The following MARK2 variants were observed in gnomAD, a reference collection of about 807,000 sequenced individuals.
MARK2 encodes microtubule affinity regulating kinase 2, also known as serine/threonine-protein kinase MARK2.
MARK2 carries 16 observed loss-of-function variants against 89.8 expected under a neutral mutation model. That is an observed-to-expected ratio of 0.18 (90% CI 0.12 to 0.27). The LOEUF (loss-of-function observed/expected upper bound fraction) is 0.27. MARK2 is among the 10% of genes least tolerant of loss of function. MARK2 has a pLI of 1.00. For synonymous variants in MARK2, 382 were observed against 399.5 expected (o/e 0.96, Z 0.52); for missense variants, 621 against 1,049.9 (o/e 0.59, Z 5.65).
chr11:63,910,184 C>G lies in MARK2; in HGVS notation c.*947C>G, dbSNP rs370272556. 5 of 152,512 alleles carry G rather than the reference C, an allele frequency of 3.3e-5. No homozygotes were observed. The highest frequency in any genetic ancestry group is 1.2e-4 in the African/African-American group (5 of 41,440). The allele number at this position is 152,512 out of a possible 1,614,324, so 9.4% of individuals were successfully genotyped here. On this transcript the variant is annotated 3_prime_UTR_variant, in exon 19 of 19. Coordinates refer to ENST00000402010, the MANE Select transcript of MARK2 (RefSeq NM_001039469.3). ...CACTGGGCACTCTGTGATGGGGGAG[C>G]CTTTGTCTGAAAGCACAGCCCCCTC...
intron 1 of MARK2, among the ~76,000 whole-genome samples, chr11:63,841,256 C>G (rs1246585902): frequency 3.3e-5 from 5 of 152,302 alleles, no homozygotes; most frequent in African/African-American, 9.6e-5. Context: ...TTTGTTACCC[C>G]CTGGCCCTCT....
Position 63,898,843 on chromosome 11 carries a change from A to T in MARK2, c.474+10A>T. ...AGCCAAATTCCGCCAGGTAGGTGTG[A>T]CTCCCTCCATAGGAGCTAGGCCTGA... On this transcript the variant is annotated intron_variant, in intron 6 of 18. Coordinates refer to ENST00000402010, the MANE Select transcript of MARK2 (RefSeq NM_001039469.3). 1 of 1,612,282 alleles carries T rather than the reference A, an allele frequency of 6.2e-7. No individual in the cohort carries two copies. Among genetic ancestry groups the T allele is most frequent in the South Asian group, 1.1e-5 (1 of 91,006 alleles).
intron 3 of MARK2, among the ~76,000 whole-genome samples, chr11:63,897,939 C>G (rs1449807024): frequency 6.6e-6 from 1 of 152,196 alleles, no homozygotes; most frequent in Non-Finnish European, 1.5e-5. Context: ...AGTAGAGGCA[C>G]CCAGCCAAAA....
chr11:63,887,378 CAG>C (rs1305365773), intron 1 of MARK2, among the ~76,000 whole-genome samples: 1 of 152,224 alleles, frequency 6.6e-6, no homozygotes, highest in African/African-American at 2.4e-5. Flanking sequence ...CAATGGAAAA[CAG>C]GGAGACTACC....
intron 1 of MARK2, among the ~76,000 whole-genome samples, chr11:63,848,960 G>T (rs1565095038): frequency 6.6e-6 from 1 of 152,004 alleles, no homozygotes; most frequent in Non-Finnish European, 1.5e-5. Context: ...GCCCGCCTCG[G>T]CTTCCCAAAG....
Position 63,899,042 on chromosome 11 carries a change from T to A in MARK2, c.475-10T>A. On this transcript the variant is annotated splice_polypyrimidine_tract_variant and intron_variant, in intron 6 of 18. Transcript: ENST00000402010. ...GCACCCCTGGGTTAACCCTTCTTCCTTCCTTTCAGATAGTGTCTGCTGTGC... is the reference window on the plus strand; with the variant it reads ...GCACCCCTGGGTTAACCCTTCTTCCATCCTTTCAGATAGTGTCTGCTGTGC... 1 of 1,607,500 alleles carries A rather than the reference T, an allele frequency of 6.2e-7. No homozygotes were observed.
At chr11:63,908,337 C>T (rs755621532) in intron 18 of MARK2, 33 bp downstream of exon 18, 7 of 1,535,008 alleles carry the variant, frequency 4.6e-6, no homozygotes, top group Admixed American at 2.0e-5. Flanking sequence ...TGGCCCTGCC[C>T]GGGCCACCGG....
intron 3 of MARK2, among the ~76,000 whole-genome samples, chr11:63,896,742 G>C (rs548164279): frequency 6.6e-6 from 1 of 152,060 alleles, no homozygotes; most frequent in African/African-American, 2.4e-5. Context: ...TCATCATCAG[G>C]GTGTCTCTGC....
At chr11:63,880,677 T>C (rs2135287042) in intron 1 of MARK2, among the ~76,000 whole-genome samples, 1 of 152,278 alleles carries the variant, frequency 6.6e-6, no homozygotes, top group African/African-American at 2.4e-5. Flanking sequence ...GGAGAGGGTT[T>C]TCCCTCCGAT....
chr11:63,910,724 T>TTAAGCCGAGCCCTTGC lies in MARK2; in HGVS notation c.*1488_*1503dup, dbSNP rs1322559401. On this transcript the variant is annotated 3_prime_UTR_variant, in exon 19 of 19. Coordinates refer to ENST00000402010, the MANE Select transcript of MARK2 (RefSeq NM_001039469.3). The stretch of plus-strand genomic sequence containing the variant: ...CCCGCTCCCAGGCCAGGCTCAGCGA[T>TTAAGCCGAGCCCTTGC]TAAGCCGAGCCCTTGCGTCCTAGGA... The TTAAGCCGAGCCCTTGC allele has an allele frequency of 6.6e-6, 1 of 150,962 alleles. No individual in the cohort carries two copies. The highest frequency in any genetic ancestry group is 2.4e-5 in the African/African-American group (1 of 41,074). 9.4% of individuals were successfully genotyped at this position (150,962 alleles called of 1,614,324 possible).
At chr11:63,876,817 TAGCA>T (rs1938786846) in intron 1 of MARK2, among the ~76,000 whole-genome samples, 1 of 152,208 alleles carries the variant, frequency 6.6e-6, no homozygotes, top group South Asian at 2.1e-4. Context: ...ACAGTCTGTG[TAGCA>T]GCACATCTAA....
chr11:63,865,025 G>A (rs61886129), intron 1 of MARK2, among the ~76,000 whole-genome samples: 3,955 of 152,024 alleles, frequency 0.026, 65 homozygotes, highest in Non-Finnish European at 0.037. Flanking sequence ...AAGTAGCTGG[G>A]ACTACAGGCA....
chr11:63,908,725 C>T lies in MARK2; in HGVS notation c.2007-152C>T, dbSNP rs553675676. 2.7e-4 allele frequency: 188 copies of T among 687,612 alleles called. No homozygotes were observed. In the African/African-American group the frequency reaches 3.0e-3, roughly 11 times the overall value. 42.6% of individuals were successfully genotyped at this position (687,612 alleles called of 1,614,324 possible). On this transcript the variant is annotated intron_variant, in intron 18 of 18. Coordinates refer to ENST00000402010, the MANE Select transcript of MARK2 (RefSeq NM_001039469.3). ...TGAGAGATGGGGGTTGGAGGACTGC[C>T]ACCCTCCGCCCCCGCAGGCCAGGGG...
intron 1 of MARK2, among the ~76,000 whole-genome samples, chr11:63,861,434 C>T (rs1317052534): frequency 6.6e-6 from 1 of 150,688 alleles, no homozygotes; most frequent in Non-Finnish European, 1.5e-5. Context: ...GACTCCGTCT[C>T]AGAAAAAAAA....
intron 1 of MARK2, among the ~76,000 whole-genome samples, chr11:63,894,846 G>T (rs558457882): frequency 6.6e-6 from 1 of 152,252 alleles, no homozygotes; most frequent in South Asian, 2.1e-4. Flanking sequence ...GCAGGGTACC[G>T]GCTCTCCCTC....
intron 1 of MARK2, among the ~76,000 whole-genome samples, chr11:63,890,631 G>A (rs750836402): frequency 5.3e-5 from 8 of 152,252 alleles, no homozygotes; most frequent in South Asian, 2.1e-4. Flanking sequence ...CCCTTCTGCG[G>A]AAAGGCCCGT....
intron 11 of MARK2, 32 bp downstream of exon 11, chr11:63,901,101 G>A: frequency 6.9e-7 from 1 of 1,441,968 alleles, no homozygotes; most frequent in Non-Finnish European, 9.8e-7. Flanking sequence ...CTCTGACCTG[G>A]CCAGCCTCAC....
At chr11:63,884,968 G>A (rs1292087813) in intron 1 of MARK2, among the ~76,000 whole-genome samples, 3 of 152,130 alleles carry the variant, frequency 2.0e-5, no homozygotes, top group Non-Finnish European at 4.4e-5. Context: ...TTAGGAGGCC[G>A]AGGTGAGAGG....
chr11:63,909,035 G>C lies in MARK2; in HGVS notation c.2165G>C (p.Ser722Thr). 1 of 1,600,148 alleles carries C rather than the reference G, an allele frequency of 6.2e-7. No individual in the cohort carries two copies. Among genetic ancestry groups the C allele is most frequent in the East Asian group, 2.3e-5 (1 of 44,400 alleles). The change falls in exon 19 of 19, where the codon AGC (serine) becomes ACC (threonine). Residue 722 changes from serine (S) to threonine (T), a missense_variant. Ser to Thr is a moderately conservative substitution (Grantham distance 58). This residue lies in a region of MARK2 where 49 missense variants were observed against 46.7 expected (regional missense o/e 1.05). Transcript: ENST00000402010. ...REIRKVLDAN[S>T]CQSELHEKYM... ...ATCCGCAAGGTGCTGGACGCGAACA[G>C]CTGCCAGAGCGAGCTGCATGAGAAG...
Sources: gnomAD v4.1 joint callset for allele counts (sites outside exome capture counted in the v4.1 genomes callset) on GRCh38, gnomAD v4.1.1 for gene constraint, gnomAD v4.1.1 regional missense constraint, MANE v1.5 for transcripts, NCBI Gene and HGNC (gene_info 2026-07-23, HGNC 2026-07-21) for gene names.